MMP25: variants seen among roughly 807,000 people sequenced by gnomAD.
MMP25 encodes matrix metallopeptidase 25.
A neutral mutation model predicts 62.1 loss-of-function variants in MMP25; 68 were observed. That is an observed-to-expected ratio of 1.10 (90% confidence interval 0.90 to 1.34). The LOEUF is 1.34. Ranked by LOEUF, MMP25 falls within the 40% of genes most tolerant of loss-of-function variation. MMP25 has a pLI of 0.00. For synonymous variants in MMP25, 407 were observed against 345.6 expected, an observed-to-expected ratio of 1.18 and a Z score of -1.97; for missense variants, 942 against 792.5, an observed-to-expected ratio of 1.19 and a Z score of -2.26.
At chr16:3,051,872 C>G (rs1258121479) in intron 4 of MMP25, 1 of 152,100 alleles carries the variant, frequency 6.6e-6, no homozygotes, top group African/African-American at 2.4e-5. Context: ...CATCTGTAAT[C>G]CTAGCACTTC....
rs780020264 is a variant in MMP25, at chr16:3,050,169, C to T, written c.368+25C>T. On this transcript the variant is annotated intron_variant, in intron 3 of 9. Coordinates refer to ENST00000336577, the MANE Select transcript of MMP25 (RefSeq NM_022468.5). ...GGTAGGTCCTGGGGCCCACCCGCAC[C>T]CTGGCCCTGCCTGCTGGGCTCCGGC... The T allele has an allele frequency of 1.0e-4, 162 of 1,587,164 alleles. 3 individuals are homozygous for T. In the South Asian group the frequency reaches 1.8e-3, roughly 18 times the overall value.
chr16:3,058,885 G>C lies in MMP25; in HGVS notation c.1476G>C (p.Lys492Asn), dbSNP rs1956066096. 1.3e-6 allele frequency: 2 copies of C among 1,555,104 alleles called. No individual in the cohort carries two copies. Among genetic ancestry groups the C allele is most frequent in the Non-Finnish European group, 1.7e-6 (2 of 1,149,176 alleles). Residue 492 changes from lysine (K) to asparagine (N), a missense_variant, in exon 10 of 10, where the codon AAG (lysine) becomes AAC (asparagine). Transcript: ENST00000336577. Reference sequence around the variant, plus strand: ...GGCGCTTCCCCAAGAACAGCATCAAGACCGAGCCGGACGCCCCCCAGCCCA... The same window carrying C: ...GGCGCTTCCCCAAGAACAGCATCAACACCGAGCCGGACGCCCCCCAGCCCA... ...HYWRFPKNSI[K>N]TEPDAPQPMG...
At position 3,058,643 on chromosome 16, in the gene MMP25, CT is replaced by C. The variant is rs1171638516; in HGVS notation, c.1392del (p.Asp465ThrfsTer95). ...LSLWEGAPPS[P>X]DDVTVSNAGD... is the part of the protein sequence containing the mutation. ...CTCTGGGAAGGCGCGCCCCCCTCCC[CT>C]GACGATGTCACCGTCAGCAACGCAG... On this transcript the variant is annotated frameshift_variant, in exon 9 of 10. Coordinates refer to ENST00000336577, the MANE Select transcript of MMP25 (RefSeq NM_022468.5). LOFTEE classifies it high-confidence loss of function. 6.2e-7 allele frequency: 1 copy of C among 1,603,646 alleles called. No individual in the cohort carries two copies. The highest frequency in any genetic ancestry group is 8.5e-7 in the Non-Finnish European group (1 of 1,175,376).
chr16:3,060,402 G>C lies in MMP25; in HGVS notation c.*1304G>C, dbSNP rs945453009. 6.6e-6 allele frequency: 1 copy of C among 152,072 alleles called. No homozygotes were observed. Among genetic ancestry groups the C allele is most frequent in the Non-Finnish European group, 1.5e-5 (1 of 68,036 alleles). 9.4% of individuals were successfully genotyped at this position (152,072 alleles called of 1,614,324 possible). A position where few individuals can be genotyped will look rare whatever the true frequency, so the allele number is the denominator to read the frequency against. Reference sequence around the variant, plus strand: ...AGGACCAATATGTTCAGGCCACACCGATGGCCTGAACCCCATGGGTAGAGT... The same window carrying C: ...AGGACCAATATGTTCAGGCCACACCCATGGCCTGAACCCCATGGGTAGAGT... On this transcript the variant is annotated 3_prime_UTR_variant, in exon 10 of 10. Transcript: ENST00000336577.
In MMP25 at chr16:3,046,891, C is replaced by T; in HGVS notation, c.-27C>T. ...CCCCAGCCAGGCCCCCTTCGAACCC[C>T]GCCGGCGGCCCGGGCTGGGGCGCAC... On this transcript the variant is annotated 5_prime_UTR_variant, in exon 1 of 10. Coordinates refer to ENST00000336577, the MANE Select transcript of MMP25 (RefSeq NM_022468.5). 1 of 1,359,640 alleles carries T rather than the reference C, an allele frequency of 7.4e-7. No individual in the cohort carries two copies. Among genetic ancestry groups the T allele is most frequent in the Middle Eastern group, 2.6e-4 (1 of 3,796 alleles). The allele number at this position is 1,359,640 out of a possible 1,614,324, so 84.2% of individuals were successfully genotyped here. A position where few individuals can be genotyped will look rare whatever the true frequency, so the allele number is the denominator to read the frequency against.
intron 1 of MMP25, 62 bp from the exon 2 acceptor site, chr16:3,047,353 T>G: frequency 6.4e-7 from 1 of 1,554,734 alleles, no homozygotes. Context: ...AGGATGGTGG[T>G]GGGCAGAGAG....
intron 7 of MMP25, chr16:3,057,948 C>T (rs55970600): frequency 0.1 from 59,067 of 580,886 alleles, 3,953 homozygotes; most frequent in African/African-American, 0.24. Flanking sequence ...GGTGATTCTC[C>T]GGTGTCAGCC....
In MMP25 at chr16:3,058,427, T is replaced by A. The variant is rs1331823109; in HGVS notation, c.1175T>A (p.Val392Glu). Residue 392 changes from valine to glutamate, a missense_variant, in exon 9 of 10, where the codon GTG (valine) becomes GAG (glutamate). Physicochemically the swap from Val to Glu is moderately radical, Grantham distance 121 (BLOSUM62 -2). Transcript: ENST00000336577. Reference sequence around the variant, plus strand: ...CACCCTGCAGGGCCCCAGTTCTGGGTGTTCCAGGACCGGCAGCTGGAGGGC... The same window carrying A: ...CACCCTGCAGGGCCCCAGTTCTGGGAGTTCCAGGACCGGCAGCTGGAGGGC... ...ILLFSGPQFW[V>E]FQDRQLEGGA... 3.8e-6 allele frequency: 6 copies of A among 1,571,390 alleles called. No individual in the cohort carries two copies. The highest frequency in any genetic ancestry group is 5.2e-6 in the Non-Finnish European group (6 of 1,158,950).
intron 4 of MMP25, chr16:3,054,189 G>A (rs892761037): frequency 1.3e-5 from 2 of 151,648 alleles, no homozygotes; most frequent in Non-Finnish European, 2.9e-5. Flanking sequence ...TGGATGGACA[G>A]ATGCATGCAC....
rs1362548945 is a variant in MMP25, at chr16:3,059,073, T to C, written c.1664T>C (p.Leu555Pro). The C allele has an allele frequency of 6.5e-6, 10 of 1,548,278 alleles. No individual in the cohort carries two copies. The highest frequency in any genetic ancestry group is 8.7e-6 in the Non-Finnish European group (10 of 1,145,374). Reference sequence around the variant, plus strand: ...ATCCCGCTGCTCCTCTTGCCCCTGCTGGTGGGGGGTGTAGCCTCCCGCTGA... The same window carrying C: ...ATCCCGCTGCTCCTCTTGCCCCTGCCGGTGGGGGGTGTAGCCTCCCGCTGA... ...APIPLLLLPL[L>P]VGGVASR Residue 555 changes from leucine (L) to proline (P), a missense_variant, in exon 10 of 10, where the codon CTG (leucine) becomes CCG (proline). Transcript: ENST00000336577.
At chr16:3,052,518 G>C (rs1323962778) in intron 4 of MMP25, 1 of 152,310 alleles carries the variant, frequency 6.6e-6, no homozygotes, top group Non-Finnish European at 1.5e-5. Context: ...CAGGGTCCAG[G>C]CAAGAGATGG....
At chr16:3,053,803 T>TA (rs1955947761) in intron 4 of MMP25, 1 of 152,096 alleles carries the variant, frequency 6.6e-6, no homozygotes, top group Non-Finnish European at 1.5e-5. Context: ...ACAAGCCCAG[T>TA]AAGTTACATT....
chr16:3,057,702 A>C (rs1956037980), intron 7 of MMP25, 89 bp downstream of exon 7: 1 of 1,221,476 alleles, frequency 8.2e-7, no homozygotes, highest in Admixed American at 1.7e-5. Flanking sequence ...TGGAAGCGGA[A>C]CTTTTTTCTT....
In MMP25 at chr16:3,059,021, C is replaced by G. The variant is rs1162004194; in HGVS notation, c.1612C>G (p.Gln538Glu). ...CTGCGATTGTCAGTGCGAGCTCAAC[C>G]AGGCCGCAGGACGTTGGCCTGCTCC... ...ETCDCQCELN[Q>E]AAGRWPAPIP... The change falls in exon 10 of 10, where the codon CAG becomes GAG. Residue 538 changes from glutamine to glutamate, a missense_variant. By Grantham distance (29) the Gln-to-Glu change is conservative. Coordinates refer to ENST00000336577, the MANE Select transcript of MMP25 (RefSeq NM_022468.5). The G allele has an allele frequency of 1.3e-6, 2 of 1,556,074 alleles. No individual in the cohort carries two copies. The highest frequency in any genetic ancestry group is 1.4e-5 in the African/African-American group (1 of 73,296).
At position 3,058,193 on chromosome 16, in the gene MMP25, G is replaced by A. The variant is rs1269834913; in HGVS notation, c.1019G>A (p.Trp340Ter). 3 of 1,612,798 alleles carry A rather than the reference G, an allele frequency of 1.9e-6. No individual in the cohort carries two copies. Among genetic ancestry groups the A allele is most frequent in the East Asian group, 2.2e-5 (1 of 44,762 alleles). The change falls in exon 8 of 10, where the codon TGG becomes TAG. Residue 340 changes from tryptophan to a stop codon, truncating the protein, a stop_gained. Transcript: ENST00000336577. LOFTEE classifies it high-confidence loss of function. ...ETFFFKGPWF[W>*]RLQPSGQLVS... ...TTGTCCCCTGCAGGCCCCTGGTTCT[G>A]GCGCCTCCAGCCCTCCGGACAGCTG...
At chr16:3,055,798 G>A (rs568269857) in intron 4 of MMP25, 5 of 454,626 alleles carry the variant, frequency 1.1e-5, no homozygotes, top group East Asian at 1.4e-4. Flanking sequence ...CTGTGGTGCT[G>A]CGGGGCTGTG....
intron 7 of MMP25, chr16:3,057,898 C>G (rs954929427): frequency 3.4e-6 from 2 of 580,984 alleles, no homozygotes; most frequent in South Asian, 4.3e-5. Context: ...GAGATGGAGT[C>G]TCACTATATT....
chr16:3,047,029 T>C lies in MMP25; in HGVS notation c.99+13T>C. ...GAGCCTGGGCGTGGTGAGCGCGGGG[T>C]CCGCAGGCTCCTGGGGTCTGCAGAG... is the stretch of plus-strand genomic sequence containing the variant. On this transcript the variant is annotated intron_variant, in intron 1 of 9. Transcript: ENST00000336577. 2 of 1,426,030 alleles carry C rather than the reference T, an allele frequency of 1.4e-6. No individual in the cohort carries two copies. Among genetic ancestry groups the C allele is most frequent in the East Asian group, 3.0e-5 (1 of 33,786 alleles). 88.3% of individuals were successfully genotyped at this position (1,426,030 alleles called of 1,614,324 possible).
rs557458023 is a variant in MMP25 at position 3,055,732 on chromosome 16, T to G, written c.662-1301T>G. On this transcript the variant is annotated intron_variant, in intron 4 of 9. Coordinates refer to ENST00000336577, the MANE Select transcript of MMP25 (RefSeq NM_022468.5). The stretch of plus-strand genomic sequence containing the variant: ...CCTATGAACCTGCCCTGAACAGTGC[T>G]GACCTTAGTTAGAGATGGCCATGAA... 726 of 432,420 alleles carry G rather than the reference T, an allele frequency of 1.7e-3. 2 individuals are homozygous for G. Among genetic ancestry groups the G allele is most frequent in the Admixed American group, 4.1e-3 (167 of 40,832 alleles). 26.8% of individuals were successfully genotyped at this position (432,420 alleles called of 1,614,324 possible).
Sources: allele counts gnomAD v4.1 joint callset, GRCh38; gene constraint gnomAD v4.1.1; transcripts MANE v1.5; gene names NCBI Gene and HGNC (gene_info 2026-07-23, HGNC 2026-07-21).